ZCCHC24: variants seen among roughly 807,000 people sequenced by gnomAD.
ZCCHC24 encodes zinc finger CCHC-type containing 24, also known as zinc finger CCHC domain-containing protein 24.
ZCCHC24 carries 10 observed loss-of-function variants against 26.2 expected under a neutral mutation model. The observed-to-expected ratio is 0.38, with a 90% confidence interval of 0.24 to 0.65. The LOEUF is 0.65. ZCCHC24 is among the 30% of genes least tolerant of loss of function. The pLI is 0.54. For missense variants in ZCCHC24, 243 were observed against 329.1 expected (o/e 0.74, Z 2.03); for synonymous variants, 144 against 147.1 (o/e 0.98, Z 0.15).
chr10:79,413,760 ATGTG>A (rs142243601), intron 2 of ZCCHC24, among the ~76,000 whole-genome samples: 1 of 144,504 alleles, frequency 6.9e-6, no homozygotes, highest in African/African-American at 2.6e-5. Context: ...GTGCGTGCGC[ATGTG>A]TGTGTGTGTG....
At position 79,417,327 on chromosome 10, in the gene ZCCHC24, C is replaced by T. The variant is rs144099768; in HGVS notation, c.447+15231G>A. Among the ~76,000 whole-genome samples, 844 of 149,406 alleles carry T rather than the reference C, an allele frequency of 5.6e-3. 107 individuals are homozygous for T. Among genetic ancestry groups the T allele is most frequent in the African/African-American group, 0.019 (793 of 41,028 alleles). ...GCTTTGGGGGCACCCCTCCACCTCA[C>T]CATCACCCCAACCTGTCAGGGAGAG... On this transcript the variant is annotated intron_variant, in intron 2 of 3. Coordinates refer to ENST00000372336, the MANE Select transcript of ZCCHC24 (RefSeq NM_153367.4).
At chr10:79,442,572 C>T (rs1448433710) in intron 1 of ZCCHC24, among the ~76,000 whole-genome samples, 2 of 152,112 alleles carry the variant, frequency 1.3e-5, no homozygotes, top group African/African-American at 2.4e-5. Context: ...GCAGACAGGC[C>T]GTGGTCAGTG....
At chr10:79,415,468 A>G (rs1267743456) in intron 2 of ZCCHC24, among the ~76,000 whole-genome samples, 2 of 152,174 alleles carry the variant, frequency 1.3e-5, no homozygotes, top group Non-Finnish European at 2.9e-5. Flanking sequence ...CTTGCTCCTG[A>G]TCAGTTGGGA....
At chr10:79,398,539 C>A (rs1196060177) in intron 2 of ZCCHC24, among the ~76,000 whole-genome samples, 2 of 150,492 alleles carry the variant, frequency 1.3e-5, no homozygotes, top group East Asian at 3.9e-4. Flanking sequence ...AGGCATTAGT[C>A]CCAGGAGGAT....
At chr10:79,444,642 A>C (rs1003488552) in intron 1 of ZCCHC24, among the ~76,000 whole-genome samples, 13 of 152,166 alleles carry the variant, frequency 8.5e-5, no homozygotes, top group Non-Finnish European at 5.9e-5. Flanking sequence ...GGGGTCCCCG[A>C]GTGAGAACAG....
chr10:79,407,005 C>T (rs1856725283), intron 2 of ZCCHC24, among the ~76,000 whole-genome samples: 1 of 152,252 alleles, frequency 6.6e-6, no homozygotes, highest in Non-Finnish European at 1.5e-5. Context: ...AGCTGCACTT[C>T]CTCCGGGAAG....
At chr10:79,404,358 G>C (rs556023283) in intron 2 of ZCCHC24, among the ~76,000 whole-genome samples, 127 of 152,306 alleles carry the variant, frequency 8.3e-4, no homozygotes, top group Non-Finnish European at 1.4e-3. Flanking sequence ...TAAGTTATCT[G>C]TTTCCTGCTC....
intron 2 of ZCCHC24, among the ~76,000 whole-genome samples, chr10:79,398,757 C>T (rs1415304867): frequency 1.3e-5 from 2 of 152,204 alleles, no homozygotes; most frequent in African/African-American, 4.8e-5. Flanking sequence ...TTGTGTGGCA[C>T]CACCTGTGTG....
intron 2 of ZCCHC24, among the ~76,000 whole-genome samples, chr10:79,411,708 C>T (rs113944328): frequency 1.9e-4 from 29 of 152,292 alleles, no homozygotes; most frequent in African/African-American, 6.5e-4. Flanking sequence ...CAGGGCCAAG[C>T]TCAGGCCTCC....
chr10:79,435,896 C>T (rs1242795565), intron 1 of ZCCHC24, among the ~76,000 whole-genome samples: 1 of 145,566 alleles, frequency 6.9e-6, no homozygotes, highest in African/African-American at 2.6e-5. Context: ...CTGGATGGAA[C>T]AGAGGCCAGG....
chr10:79,427,442 T>G (rs142083924), intron 2 of ZCCHC24, among the ~76,000 whole-genome samples: 2 of 152,200 alleles, frequency 1.3e-5, no homozygotes, highest in South Asian at 4.1e-4. Flanking sequence ...TGTTAGGTTC[T>G]GAAACAAACC....
intron 2 of ZCCHC24, among the ~76,000 whole-genome samples, chr10:79,408,373 T>G (rs935119754): frequency 1.3e-5 from 2 of 152,144 alleles, no homozygotes; most frequent in Non-Finnish European, 2.9e-5. Context: ...TCTGACCAGC[T>G]TGATGCCTGG....
chr10:79,424,483 G>C (rs1300715505), intron 2 of ZCCHC24, among the ~76,000 whole-genome samples: 1 of 152,188 alleles, frequency 6.6e-6, no homozygotes, highest in Non-Finnish European at 1.5e-5. Flanking sequence ...GCCCATAGAT[G>C]GTACTTTTCC....
chr10:79,416,257 G>A (rs1226727385), intron 2 of ZCCHC24, among the ~76,000 whole-genome samples: 1 of 152,200 alleles, frequency 6.6e-6, no homozygotes, highest in East Asian at 1.9e-4. Context: ...GGGAAATTGA[G>A]GTGTGGCAAG....
chr10:79,396,726 T>A (rs1856552126), intron 2 of ZCCHC24, among the ~76,000 whole-genome samples: 1 of 152,216 alleles, frequency 6.6e-6, no homozygotes, highest in Non-Finnish European at 1.5e-5. Context: ...GTTAAAGAAG[T>A]GCTGGGCTAT....
rs1857329585 is a variant in ZCCHC24 at position 79,444,270 on chromosome 10, C to T, written c.246+925G>A. 4 of 1,430,736 alleles carry T rather than the reference C, an allele frequency of 2.8e-6. No individual in the cohort carries two copies. The East Asian group carries it at 1.1e-4, about 40-fold the overall frequency. The allele number at this position is 1,430,736 out of a possible 1,614,324, so 88.6% of individuals were successfully genotyped here. A position where few individuals can be genotyped will look rare whatever the true frequency, so the allele number is the denominator to read the frequency against. Reference sequence around the variant, plus strand: ...AGTAAATGGAGGGAGGGGAGGAGTCCAGCCCACGGAAAGGAGTGGTATCTG... The same window carrying T: ...AGTAAATGGAGGGAGGGGAGGAGTCTAGCCCACGGAAAGGAGTGGTATCTG... On this transcript the variant is annotated intron_variant, in intron 1 of 3. Transcript: ENST00000372336.
intron 3 of ZCCHC24, among the ~76,000 whole-genome samples, chr10:79,387,402 C>G (rs1036030909): frequency 6.6e-6 from 1 of 152,212 alleles, no homozygotes; most frequent in African/African-American, 2.4e-5. Context: ...CTTCCCTGCT[C>G]GCTCTTTTCC....
intron 2 of ZCCHC24, among the ~76,000 whole-genome samples, chr10:79,402,762 T>C (rs1335848240): frequency 6.6e-6 from 1 of 152,222 alleles, no homozygotes; most frequent in Non-Finnish European, 1.5e-5. Context: ...CACACAGCCA[T>C]GGAGCCAGAA....
At chr10:79,418,780 G>A (rs551385936) in intron 2 of ZCCHC24, among the ~76,000 whole-genome samples, 1 of 152,328 alleles carries the variant, frequency 6.6e-6, no homozygotes, top group East Asian at 1.9e-4. Flanking sequence ...ACCTGGTTGA[G>A]ATTTCTTACC....
Sources: gnomAD v4.1 joint callset for allele counts (sites outside exome capture counted in the v4.1 genomes callset) on GRCh38, gnomAD v4.1.1 for gene constraint, MANE v1.5 for transcripts, NCBI Gene and HGNC (gene_info 2026-07-23, HGNC 2026-07-21) for gene names.